The following ATP7B variants were observed in gnomAD, a reference collection of about 807,000 sequenced individuals.
ATP7B encodes the protein copper-transporting ATPase 2.
ATP7B carries 113 observed loss-of-function variants against 118.9 expected under a neutral mutation model. That is an observed-to-expected ratio of 0.95 (90% CI 0.82 to 1.11). ATP7B has a LOEUF of 1.11. Ranked by LOEUF, ATP7B falls within the 50% of genes most tolerant of loss-of-function variation. The pLI is 0.00. For synonymous variants in ATP7B, 777 were observed against 727.4 expected (o/e 1.07, Z -1.10); for missense variants, 1,867 against 1,871.4 (o/e 1.00, Z 0.04).
chr13:51,942,872 G>T (rs1957420537), intron 14 of ATP7B, among the ~76,000 whole-genome samples: 1 of 152,188 alleles, frequency 6.6e-6, no homozygotes, highest in Non-Finnish European at 1.5e-5. Context: ...AAGGAAAAAG[G>T]CAACTCATAT....
At position 51,963,828 on chromosome 13, in the gene ATP7B, T is replaced by A. The variant is rs1191801975; in HGVS notation, c.1869+1044A>T. On this transcript the variant is annotated intron_variant, in intron 5 of 20. Transcript: ENST00000242839. ...ACTTTGGGAAGCCCAGGCAGGTGGA[T>A]CACCTAAGGTGTCAGGAGTTTGAGA... Among the ~76,000 whole-genome samples the A allele has an allele frequency of 2.0e-5, 3 of 149,464 alleles. No homozygotes were observed. The East Asian group carries it at 6.0e-4, about 30-fold the overall frequency.
chr13:51,971,051 T>C (rs1319085989), intron 2 of ATP7B, among the ~76,000 whole-genome samples: 2 of 152,234 alleles, frequency 1.3e-5, no homozygotes, highest in African/African-American at 2.4e-5. Context: ...ACCTTATCTT[T>C]CATTTCCTTC....
intron 1 of ATP7B, among the ~76,000 whole-genome samples, chr13:51,986,381 T>C (rs755663508): frequency 1.3e-5 from 2 of 152,144 alleles, no homozygotes; most frequent in Non-Finnish European, 2.9e-5. Context: ...GTCGAATCCC[T>C]GAATAGACAA....
Position 51,949,764 on chromosome 13 carries a change from A to C in ATP7B, c.2763T>G (p.Ser921Arg), listed in dbSNP as rs1052485948. Residue 921 changes from serine to arginine, a missense_variant, in exon 12 of 21, where the codon AGT (serine) becomes AGG (arginine). Coordinates refer to ENST00000242839, the MANE Select transcript of ATP7B (RefSeq NM_000053.4). ...TGATGATAAATGGGACAAAATATCCACTAAACCGGTCAGCCAGCTGCTGAA... is the reference window on the plus strand; with the variant it reads ...TGATGATAAATGGGACAAAATATCCCCTAAACCGGTCAGCCAGCTGCTGAA... ...APIQQLADRF[S>R]GYFVPFIIIM... 1 of 1,614,114 alleles carries C rather than the reference A, an allele frequency of 6.2e-7. No homozygotes were observed. The highest frequency in any genetic ancestry group is 8.5e-7 in the Non-Finnish European group (1 of 1,180,022).
chr13:51,954,187 A>T lies in ATP7B; in HGVS notation c.2447+3329T>A, dbSNP rs181290977. On this transcript the variant is annotated intron_variant, in intron 9 of 20. Coordinates refer to ENST00000242839, the MANE Select transcript of ATP7B (RefSeq NM_000053.4). ...GAAGGGAGTTCAGAGGGAAGGAAGGATGTGTGCAGAGGTCTGCAGAGAGAG... is the reference window on the plus strand; with the variant it reads ...GAAGGGAGTTCAGAGGGAAGGAAGGTTGTGTGCAGAGGTCTGCAGAGAGAG... Among the ~76,000 whole-genome samples the T allele has an allele frequency of 3.3e-5, 5 of 152,332 alleles. No homozygotes were observed. The East Asian group carries it at 9.6e-4, about 29-fold the overall frequency.
Position 51,970,675 on chromosome 13 carries a change from T to C in ATP7B, c.1360A>G (p.Thr454Ala), listed in dbSNP as rs551602841. 1 of 1,614,054 alleles carries C rather than the reference T, an allele frequency of 6.2e-7. No individual in the cohort carries two copies. The highest frequency in any genetic ancestry group is 2.2e-5 in the East Asian group (1 of 44,890). Residue 454 changes from threonine (T) to alanine (A), a missense_variant, in exon 3 of 21, where the codon ACA becomes GCA. Coordinates refer to ENST00000242839, the MANE Select transcript of ATP7B (RefSeq NM_000053.4). ...SMVQTTDGTP[T>A]SVQEVAPHTG... is the part of the protein sequence containing the mutation. ...TGGGGAGCCACTTCCTGCACAGATG[T>C]AGGTGTACCATCTGTAGTTTGCACC...
intron 1 of ATP7B, among the ~76,000 whole-genome samples, chr13:52,000,180 A>T (rs577269486): frequency 4.7e-4 from 71 of 152,116 alleles, no homozygotes; most frequent in Admixed American, 1.3e-4. Context: ...ATCACAAAAT[A>T]CCTTAGACTG....
chr13:51,950,188 A>G (rs1307572823), intron 10 of ATP7B, 27 bp from the exon 11 acceptor site: 1 of 1,614,036 alleles, frequency 6.2e-7, no homozygotes, highest in Admixed American at 1.7e-5. Context: ...GACAACTGTC[A>G]CTTGCTCAGC....
At chr13:52,003,460 G>A (rs1330900104) in intron 1 of ATP7B, among the ~76,000 whole-genome samples, 3 of 152,118 alleles carry the variant, frequency 2.0e-5, no homozygotes, top group Non-Finnish European at 4.4e-5. Flanking sequence ...TATAACAGTA[G>A]CATCAAAGAG....
intron 1 of ATP7B, among the ~76,000 whole-genome samples, chr13:52,009,974 G>T (rs879539371): frequency 6.6e-6 from 1 of 152,146 alleles, no homozygotes; most frequent in Non-Finnish European, 1.5e-5. Context: ...GCTCAATAAC[G>T]CTGGTCAACG....
chr13:51,995,374 T>G, intron 1 of ATP7B: 1 of 983,834 alleles, frequency 1.0e-6, no homozygotes, highest in Non-Finnish European at 1.2e-6. Context: ...CTCCTTCCTC[T>G]GACGGTGGAG....
At chr13:51,984,468 G>T (rs1301038581) in intron 1 of ATP7B, among the ~76,000 whole-genome samples, 1 of 152,176 alleles carries the variant, frequency 6.6e-6, no homozygotes, top group Non-Finnish European at 1.5e-5. Context: ...CGGGGAGAAT[G>T]GAACCAAGTT....
intron 14 of ATP7B, 37 bp downstream of exon 14, chr13:51,944,072 T>C: frequency 6.2e-7 from 1 of 1,613,092 alleles, no homozygotes; most frequent in Non-Finnish European, 8.5e-7. Context: ...AAAAGAGCAT[T>C]GGCGGGGAGG....
intron 19 of ATP7B, among the ~76,000 whole-genome samples, 184 bp downstream of exon 19, chr13:51,937,092 G>C (rs1042931140): frequency 2.0e-5 from 3 of 151,406 alleles, no homozygotes; most frequent in African/African-American, 7.3e-5. Context: ...AAGGTTTCAG[G>C]TCCTCTCCAC....
chr13:51,958,600 C>A, intron 7 of ATP7B, 56 bp from the exon 8 acceptor site: 1 of 1,494,584 alleles, frequency 6.7e-7, no homozygotes, highest in Non-Finnish European at 9.3e-7. Context: ...GTTCAATGAG[C>A]GACACAGGGC....
chr13:51,974,690 G>T lies in ATP7B; in HGVS notation c.530C>A (p.Ser177Ter). 6.2e-7 allele frequency: 1 copy of T among 1,611,624 alleles called. No homozygotes were observed. Among genetic ancestry groups the T allele is most frequent in the Non-Finnish European group, 8.5e-7 (1 of 1,177,898 alleles). The stretch of plus-strand genomic sequence containing the variant: ...GATGACGGCCTCTTGGTTGCTGAGT[G>T]AGACTTTGACTCTCACTACTCCTTG... ...KLQGVVRVKVSLSNQEAVITY... is the reference protein window; with the variant it reads ...KLQGVVRVKV The change falls in exon 2 of 21, where the codon TCA becomes TAA. Residue 177 changes from serine (S) to a stop codon, truncating the protein, a stop_gained. Transcript: ENST00000242839. LOFTEE classifies it high-confidence loss of function.
chr13:52,009,512 A>C (rs1953926563), intron 1 of ATP7B, among the ~76,000 whole-genome samples: 2 of 152,142 alleles, frequency 1.3e-5, no homozygotes, highest in East Asian at 1.9e-4. Context: ...TAGAGCCCCC[A>C]CACTTTCTGT....
At chr13:51,939,532 C>T (rs535285855) in intron 16 of ATP7B, among the ~76,000 whole-genome samples, 2 of 152,332 alleles carry the variant, frequency 1.3e-5, no homozygotes, top group South Asian at 4.1e-4. Flanking sequence ...GAATTCAATA[C>T]ACATTAGCTA....
intron 1 of ATP7B, among the ~76,000 whole-genome samples, chr13:51,991,169 G>A (rs1342676325): frequency 6.6e-6 from 1 of 151,744 alleles, no homozygotes; most frequent in African/African-American, 2.4e-5. Context: ...AAAATGCTAA[G>A]TCCACCACGT....
Sources: gnomAD v4.1 joint callset for allele counts (sites outside exome capture counted in the v4.1 genomes callset) on GRCh38, gnomAD v4.1.1 for gene constraint, MANE v1.5 for transcripts, NCBI Gene and HGNC (gene_info 2026-07-23, HGNC 2026-07-21) for gene names.